Variants in SPHKAP observed in about 807,000 individuals in gnomAD.
The protein encoded by SPHKAP is SPHK1 interactor, AKAP domain containing.
A neutral mutation model predicts 137.5 loss-of-function variants in SPHKAP; 67 were observed. The ratio of observed to expected loss-of-function variants is 0.49; its 90% CI spans 0.40 to 0.60. SPHKAP has a LOEUF of 0.60. SPHKAP is among the 20% of genes least tolerant of loss of function. The pLI is 0.00. For synonymous variants in SPHKAP, 813 were observed against 785.3 expected (o/e 1.04, Z -0.59); for missense variants, 2,097 against 2,069.3 (o/e 1.01, Z -0.26).
At chr2:228,131,808 C>A in intron 2 of SPHKAP, 172 bp downstream of exon 2, 1 of 983,276 alleles carries the variant, frequency 1.0e-6, no homozygotes, top group Non-Finnish European at 1.2e-6. Flanking sequence ...CTCATCATTT[C>A]CATGAATTAA....
rs149570601 is a variant in SPHKAP at position 228,161,868 on chromosome 2, T to G, written c.32+19699A>C. ...TTATGTCCTATTAAGTATGTGGTAA[T>G]CAGTTGAAATGCCTTGTTTATAGCA... On this transcript the variant is annotated intron_variant, in intron 1 of 11. Transcript: ENST00000392056. 7.1e-4 allele frequency among the ~76,000 whole-genome samples: 108 copies of G among 152,314 alleles called. No homozygotes were observed. In the East Asian group the frequency reaches 0.019, roughly 27 times the overall value.
intron 2 of SPHKAP, among the ~76,000 whole-genome samples, chr2:228,123,704 G>A (rs1422017930): frequency 6.6e-6 from 1 of 152,156 alleles, no homozygotes; most frequent in South Asian, 2.1e-4. Flanking sequence ...TCTGATGGTA[G>A]TTTGTTTCGC....
At chr2:228,108,689 A>T (rs1436107309) in intron 3 of SPHKAP, 143 bp downstream of exon 3, 1 of 593,426 alleles carries the variant, frequency 1.7e-6, no homozygotes, top group Non-Finnish European at 2.9e-6. Flanking sequence ...TTAACTGTCC[A>T]TATAAACCCG....
chr2:228,125,066 T>C (rs960925309), intron 2 of SPHKAP, among the ~76,000 whole-genome samples: 1 of 152,214 alleles, frequency 6.6e-6, no homozygotes, highest in Non-Finnish European at 1.5e-5. Flanking sequence ...GTGTTTTCAG[T>C]CTGCCACCTT....
intron 1 of SPHKAP, among the ~76,000 whole-genome samples, chr2:228,164,761 A>G (rs977315391): frequency 2.0e-5 from 3 of 152,162 alleles, no homozygotes; most frequent in Non-Finnish European, 4.4e-5. Flanking sequence ...TAAACGCTCA[A>G]TTGCTCTCCT....
chr2:228,163,352 A>G (rs1384900252), intron 1 of SPHKAP, among the ~76,000 whole-genome samples: 1 of 152,142 alleles, frequency 6.6e-6, no homozygotes, highest in African/African-American at 2.4e-5. Flanking sequence ...TTTAATTAGA[A>G]TAAAGAAATA....
chr2:228,122,216 C>T (rs1217963564), intron 2 of SPHKAP, among the ~76,000 whole-genome samples: 1 of 152,114 alleles, frequency 6.6e-6, no homozygotes, highest in Non-Finnish European at 1.5e-5. Flanking sequence ...TGCCTAGTTC[C>T]AGCAGTGCAG....
chr2:228,083,271 C>CCAGAATG (rs1697420992), intron 3 of SPHKAP, among the ~76,000 whole-genome samples: 1 of 152,212 alleles, frequency 6.6e-6, no homozygotes, highest in Non-Finnish European at 1.5e-5. Flanking sequence ...AGAAATGATG[C>CCAGAATG]CAGAATGGCT....
chr2:228,046,796 T>C (rs1696074621), intron 3 of SPHKAP, among the ~76,000 whole-genome samples: 1 of 152,150 alleles, frequency 6.6e-6, no homozygotes, highest in Non-Finnish European at 1.5e-5. Context: ...GAACCCTCTA[T>C]TCAGGGCCTT....
At chr2:228,049,980 C>T (rs1574800396) in intron 3 of SPHKAP, among the ~76,000 whole-genome samples, 1 of 151,912 alleles carries the variant, frequency 6.6e-6, no homozygotes, top group South Asian at 2.1e-4. Flanking sequence ...TAAGAAACTG[C>T]AATAACTCAA....
chr2:228,151,842 T>C (rs1407275930), intron 1 of SPHKAP, among the ~76,000 whole-genome samples: 1 of 152,190 alleles, frequency 6.6e-6, no homozygotes, highest in Non-Finnish European at 1.5e-5. Flanking sequence ...GTATTATATT[T>C]AGCCTTTTTT....
At chr2:228,056,070 C>T (rs1004511750) in intron 3 of SPHKAP, among the ~76,000 whole-genome samples, 1 of 152,212 alleles carries the variant, frequency 6.6e-6, no homozygotes, top group African/African-American at 2.4e-5. Context: ...TCTTTCAGAC[C>T]TTCTCTTAAG....
intron 11 of SPHKAP, chr2:227,982,141 C>T (rs2106146727): frequency 5.1e-6 from 5 of 983,618 alleles, no homozygotes; most frequent in African/African-American, 3.5e-5. Context: ...TTTTAAGAGC[C>T]AGTCTTTTAG....
intron 1 of SPHKAP, among the ~76,000 whole-genome samples, chr2:228,159,252 T>C (rs915821906): frequency 6.6e-6 from 1 of 152,168 alleles, no homozygotes; most frequent in Non-Finnish European, 1.5e-5. Context: ...GAAGGAGAAC[T>C]CCATTTCTTA....
At chr2:228,065,399 C>A (rs1696791933) in intron 3 of SPHKAP, among the ~76,000 whole-genome samples, 1 of 152,154 alleles carries the variant, frequency 6.6e-6, no homozygotes, top group Non-Finnish European at 1.5e-5. Context: ...GAAAACAAGT[C>A]TATTGGTTCT....
chr2:228,011,261 C>T (rs1347193633), intron 7 of SPHKAP, among the ~76,000 whole-genome samples: 4 of 147,502 alleles, frequency 2.7e-5, no homozygotes, highest in African/African-American at 1.0e-4. Context: ...GTTCACTCTT[C>T]TGGTGGGTGA....
At chr2:228,071,071 CCTT>C (rs1696990035) in intron 3 of SPHKAP, among the ~76,000 whole-genome samples, 1 of 152,124 alleles carries the variant, frequency 6.6e-6, no homozygotes, top group Non-Finnish European at 1.5e-5. Flanking sequence ...ATTGTCTACA[CCTT>C]CTTCTTGTAC....
chr2:228,025,248 C>T, intron 5 of SPHKAP, 146 bp downstream of exon 5: 1 of 834,130 alleles, frequency 1.2e-6, no homozygotes, highest in Non-Finnish European at 1.7e-6. Context: ...AAGAGAAATA[C>T]AAATGCAGAC....
chr2:228,119,987 A>C (rs1433321778), intron 2 of SPHKAP, among the ~76,000 whole-genome samples: 2 of 152,282 alleles, frequency 1.3e-5, no homozygotes, highest in Non-Finnish European at 2.9e-5. Flanking sequence ...ACACCTAAGA[A>C]AATTTAGAAA....
Sources: gnomAD v4.1 joint callset for allele counts (sites outside exome capture counted in the v4.1 genomes callset) on GRCh38, gnomAD v4.1.1 for gene constraint, MANE v1.5 for transcripts, NCBI Gene and HGNC (gene_info 2026-07-23, HGNC 2026-07-21) for gene names.